The following CACNA1C variants were observed in gnomAD, a reference collection of about 807,000 sequenced individuals.
CACNA1C encodes calcium voltage-gated channel subunit alpha1 C.
CACNA1C carries 30 observed loss-of-function variants against 229.0 expected under a neutral mutation model. The ratio of observed to expected loss-of-function variants is 0.13; its 90% confidence interval spans 0.10 to 0.18. CACNA1C has a LOEUF of 0.18. Ranked by LOEUF, CACNA1C falls within the 10% of genes least tolerant of loss-of-function variation. CACNA1C has a pLI of 1.00. For missense variants in CACNA1C, 1,658 were observed against 2,845.0 expected, an observed-to-expected ratio of 0.58 and a Z score of 9.49; for synonymous variants, 1,114 against 1,132.5, an observed-to-expected ratio of 0.98 and a Z score of 0.33.
chr12:2,405,295 G>A (rs1313936062), intron 3 of CACNA1C, among the ~76,000 whole-genome samples: 2 of 152,180 alleles, frequency 1.3e-5, no homozygotes, highest in African/African-American at 2.4e-5. Context: ...TTGGAACAAC[G>A]TGCATGTATA....
chr12:2,092,289 G>A (rs1440424476), intron 1 of CACNA1C, among the ~76,000 whole-genome samples: 1 of 152,180 alleles, frequency 6.6e-6, no homozygotes, highest in East Asian at 1.9e-4. Context: ...GCCTAATTGG[G>A]TCATACATAA....
chr12:2,485,562 G>T (rs1159928235), intron 5 of CACNA1C, among the ~76,000 whole-genome samples: 1 of 152,052 alleles, frequency 6.6e-6, no homozygotes, highest in Non-Finnish European at 1.5e-5. Context: ...TTTTCTTGTG[G>T]TAATAAGAAC....
intron 3 of CACNA1C, among the ~76,000 whole-genome samples, chr12:2,315,608 C>T (rs368253557): frequency 6.6e-6 from 1 of 152,140 alleles, no homozygotes; most frequent in Non-Finnish European, 1.5e-5. Flanking sequence ...CACAGAGTCC[C>T]GCAAGCTGTG....
intron 18 of CACNA1C, among the ~76,000 whole-genome samples, chr12:2,589,869 C>T (rs1738952529): frequency 6.6e-6 from 1 of 152,148 alleles, no homozygotes; most frequent in East Asian, 1.9e-4. Context: ...CAGCTGGATT[C>T]ACTCACAGCT....
intron 10 of CACNA1C, among the ~76,000 whole-genome samples, chr12:2,551,933 C>T (rs570589020): frequency 2.2e-4 from 33 of 152,064 alleles, no homozygotes; most frequent in African/African-American, 5.8e-4. Context: ...TACGGAGGCC[C>T]GAAACTCAGC....
chr12:2,121,062 A>G (rs2086484150), intron 3 of CACNA1C, among the ~76,000 whole-genome samples: 1 of 152,206 alleles, frequency 6.6e-6, no homozygotes, highest in South Asian at 2.1e-4. Flanking sequence ...AGTCATTACA[A>G]AGACTTTTGC....
At chr12:2,526,927 G>A (rs1400705576) in intron 9 of CACNA1C, among the ~76,000 whole-genome samples, 1 of 152,182 alleles carries the variant, frequency 6.6e-6, no homozygotes, top group East Asian at 1.9e-4. Flanking sequence ...CTGGACAGAA[G>A]AGCTTTGATA....
chr12:2,515,302 A>G (rs1042453869), intron 9 of CACNA1C, among the ~76,000 whole-genome samples: 1 of 152,198 alleles, frequency 6.6e-6, no homozygotes, highest in Non-Finnish European at 1.5e-5. Context: ...AAGTCCAATT[A>G]AAAGTAGAAT....
intron 37 of CACNA1C, 47 bp from the exon 38 acceptor site, chr12:2,668,886 A>C (rs114898435): frequency 1.5e-5 from 20 of 1,299,498 alleles, no homozygotes; most frequent in Non-Finnish European, 2.2e-5. Flanking sequence ...GCGGTCCCCT[A>C]AGCACCGCCT....
chr12:2,412,425 A>T (rs2098818385), intron 3 of CACNA1C, among the ~76,000 whole-genome samples: 1 of 152,206 alleles, frequency 6.6e-6, no homozygotes, highest in South Asian at 2.1e-4. Flanking sequence ...TGCCCAGCAG[A>T]CCTGGCTGCT....
At chr12:2,122,913 C>T (rs1191463118) in intron 3 of CACNA1C, among the ~76,000 whole-genome samples, 8 of 152,206 alleles carry the variant, frequency 5.3e-5, no homozygotes, top group African/African-American at 1.9e-4. Context: ...AGCTCCCCTG[C>T]GGATCTGATT....
Position 2,389,847 on chromosome 12 carries a change from C to T in CACNA1C, c.478-59129C>T, listed in dbSNP as rs2098454699. ...CCGGCACCGAATCCCTCCTTTCACT[C>T]CCTCTGTCCCCTGGGCAAGTTCCAG... On this transcript the variant is annotated intron_variant, in intron 3 of 46. Transcript: ENST00000399655. Among the ~76,000 whole-genome samples, 4 of 152,306 alleles carry T rather than the reference C, an allele frequency of 2.6e-5. No individual in the cohort carries two copies. The South Asian group carries it at 8.3e-4, about 32-fold the overall frequency.
chr12:2,651,511 G>A lies in CACNA1C; in HGVS notation c.3946-129G>A, dbSNP rs986215055. On this transcript the variant is annotated intron_variant, in intron 31 of 46. Coordinates refer to ENST00000399655, the MANE Select transcript of CACNA1C (RefSeq NM_000719.7). This position sits in a 1 kb window ranked among gnomAD's most constrained non-coding sequence, Gnocchi z 5.4. The stretch of plus-strand genomic sequence containing the variant: ...GGCCGCCCTCCCATCGGAGGGGGAA[G>A]TCTAGTGCAGCAAACCCTGGCCTGC... The A allele has an allele frequency of 2.6e-5, 37 of 1,410,234 alleles. No individual in the cohort carries two copies. The South Asian group carries it at 3.9e-4, about 15-fold the overall frequency. 87.4% of individuals were successfully genotyped at this position (1,410,234 alleles called of 1,614,324 possible).
chr12:2,130,089 C>T (rs981051840), intron 3 of CACNA1C, among the ~76,000 whole-genome samples: 1 of 151,690 alleles, frequency 6.6e-6, no homozygotes, highest in African/African-American at 2.4e-5. Flanking sequence ...CGCCTTCTAA[C>T]TAATAATAAT....
chr12:2,156,519 C>T (rs2095564333), intron 3 of CACNA1C, among the ~76,000 whole-genome samples: 1 of 152,208 alleles, frequency 6.6e-6, no homozygotes, highest in African/African-American at 2.4e-5. Flanking sequence ...TCTTTGATGA[C>T]ATATTTGGCT....
intron 3 of CACNA1C, among the ~76,000 whole-genome samples, chr12:2,149,029 G>T (rs1490346424): frequency 6.6e-6 from 1 of 152,106 alleles, no homozygotes; most frequent in East Asian, 1.9e-4. Flanking sequence ...TAAAGACTTG[G>T]CAAGGGATGT....
Position 2,346,919 on chromosome 12 carries a change from G to A in CACNA1C, c.478-102057G>A, listed in dbSNP as rs539941990. Among the ~76,000 whole-genome samples the A allele has an allele frequency of 6.6e-5, 10 of 152,274 alleles. No individual in the cohort carries two copies. The highest frequency in any genetic ancestry group is 3.4e-3 in the Middle Eastern group (1 of 294). ...ATCTCACCTCTGCATTTTTGCTGGT[G>A]TCTCCCTCTTCTCAGAATGCTAGTC... On this transcript the variant is annotated intron_variant, in intron 3 of 46. Transcript: ENST00000399655. The surrounding 1 kb of genome is among the most constrained non-coding windows in gnomAD (Gnocchi z 4.4).
intron 5 of CACNA1C, among the ~76,000 whole-genome samples, chr12:2,469,484 C>A (rs916530997): frequency 2.6e-5 from 4 of 152,164 alleles, no homozygotes; most frequent in Non-Finnish European, 4.4e-5. Flanking sequence ...AGGAGAGTAA[C>A]GTGGCACAAG....
chr12:2,522,945 C>T (rs2099812737), intron 9 of CACNA1C, among the ~76,000 whole-genome samples: 1 of 152,110 alleles, frequency 6.6e-6, no homozygotes, highest in Admixed American at 6.6e-5. Context: ...GCCGTTGCTC[C>T]CTCCGTACCA....
Sources: allele counts gnomAD v4.1 joint callset (sites outside exome capture counted in the v4.1 genomes callset), GRCh38; gene constraint gnomAD v4.1.1; non-coding constraint Gnocchi (gnomAD v3.1); transcripts MANE v1.5; gene names NCBI Gene and HGNC (gene_info 2026-07-23, HGNC 2026-07-21).